The following LRRTM4 variants were observed in gnomAD, a reference collection of about 807,000 sequenced individuals.
LRRTM4 encodes leucine-rich repeat transmembrane neuronal protein 4.
In LRRTM4, 25 loss-of-function variants were observed where a neutral mutation model predicts 47.6. The observed-to-expected ratio is 0.53, with a 90% CI of 0.38 to 0.73. LRRTM4 has a LOEUF of 0.73. Among genes scored for constraint, LRRTM4 ranks in the 30% least tolerant of loss-of-function variants. The pLI, the probability that LRRTM4 is intolerant of heterozygous loss-of-function variation, is 0.00. For missense variants in LRRTM4, 638 were observed against 713.4 expected (o/e 0.89, Z 1.20); for synonymous variants, 311 against 269.5 (o/e 1.15, Z -1.51).
intron 3 of LRRTM4, among the ~76,000 whole-genome samples, chr2:76,867,336 A>G (rs1443936272): frequency 6.6e-6 from 1 of 152,214 alleles, no homozygotes; most frequent in Admixed American, 6.5e-5. Context: ...AAACTCTGCT[A>G]GAAGTACAAA....
chr2:76,969,094 T>C (rs1055402566), intron 3 of LRRTM4, among the ~76,000 whole-genome samples: 1 of 151,916 alleles, frequency 6.6e-6, no homozygotes, highest in African/African-American at 2.4e-5. Context: ...AATTCAATTT[T>C]TTATAACTCA....
At chr2:77,243,885 G>A (rs1304602410) in intron 3 of LRRTM4, among the ~76,000 whole-genome samples, 3 of 137,420 alleles carry the variant, frequency 2.2e-5, no homozygotes, top group Non-Finnish European at 1.5e-5. Context: ...TCGTCATCTA[G>A]CCTTAGGTAT....
chr2:77,465,922 A>AAATTT lies in LRRTM4; in HGVS notation c.1551+52395_1551+52396insAAATT, dbSNP rs1306503361. 7.9e-3 allele frequency among the ~76,000 whole-genome samples: 1,204 copies of AAATTT among 152,252 alleles called. 5 individuals carry two copies. The highest frequency in any genetic ancestry group is 0.012 in the Non-Finnish European group (787 of 68,014). ...ACAGGGAGCTGGCACCTAGGTAATG[A>AAATTT]TAAAAGCAGCAGGCTTCTCAAATGC... On this transcript the variant is annotated intron_variant, in intron 3 of 3. Transcript: ENST00000409884.
Position 76,988,039 on chromosome 2 carries a change from C to T in LRRTM4, c.1552-239123G>A, listed in dbSNP as rs552441718. ...GTGATAAAAGAATATTTAGAGACTACAGAGTCACTCTTAGATACTTTCTTT... is the reference window on the plus strand; with the variant it reads ...GTGATAAAAGAATATTTAGAGACTATAGAGTCACTCTTAGATACTTTCTTT... On this transcript the variant is annotated intron_variant, in intron 3 of 3. Coordinates refer to ENST00000409884, the MANE Select transcript of LRRTM4 (RefSeq NM_001134745.3). 2.6e-5 allele frequency among the ~76,000 whole-genome samples: 4 copies of T among 151,934 alleles called. No homozygotes were observed. The East Asian group carries it at 7.8e-4, about 30-fold the overall frequency.
At chr2:77,490,318 G>C (rs897767453) in intron 3 of LRRTM4, among the ~76,000 whole-genome samples, 1 of 151,802 alleles carries the variant, frequency 6.6e-6, no homozygotes, top group Non-Finnish European at 1.5e-5. Flanking sequence ...GAAAAATAAA[G>C]AGATAAAAAT....
intron 3 of LRRTM4, among the ~76,000 whole-genome samples, chr2:77,468,689 G>T (rs574704899): frequency 6.6e-6 from 1 of 152,102 alleles, no homozygotes; most frequent in Non-Finnish European, 1.5e-5. Flanking sequence ...CAAACATTCT[G>T]ATTGATTGGA....
At chr2:77,251,135 ATG>A (rs1675594727) in intron 3 of LRRTM4, among the ~76,000 whole-genome samples, 1 of 144,224 alleles carries the variant, frequency 6.9e-6, no homozygotes, top group Non-Finnish European at 1.5e-5. Context: ...ACACATATAT[ATG>A]TATATATATG....
In LRRTM4 at chr2:77,238,038, G is replaced by C. The variant is rs978768580; in HGVS notation, c.1551+280280C>G. Among the ~76,000 whole-genome samples the C allele has an allele frequency of 4.6e-5, 7 of 151,988 alleles. No individual in the cohort carries two copies. The East Asian group carries it at 1.4e-3, about 29-fold the overall frequency. ...GTAGGTCAAAAGACACAAAATAGCA[G>C]GTATGTAGAATGAACAAGTCTGAAC... On this transcript the variant is annotated intron_variant, in intron 3 of 3. Coordinates refer to ENST00000409884, the MANE Select transcript of LRRTM4 (RefSeq NM_001134745.3).
chr2:76,892,957 A>C (rs955210999), intron 3 of LRRTM4, among the ~76,000 whole-genome samples: 1 of 151,326 alleles, frequency 6.6e-6, no homozygotes, highest in Non-Finnish European at 1.5e-5. Context: ...TAATGGAGTC[A>C]AAATCCCAAA....
intron 3 of LRRTM4, among the ~76,000 whole-genome samples, chr2:77,038,778 G>T (rs748311262): frequency 6.6e-6 from 1 of 151,406 alleles, no homozygotes; most frequent in Admixed American, 6.6e-5. Context: ...ATTGATAGGG[G>T]AATCAGTTGG....
chr2:76,914,352 T>C (rs763185706), intron 3 of LRRTM4, among the ~76,000 whole-genome samples: 55 of 152,070 alleles, frequency 3.6e-4, no homozygotes, highest in Non-Finnish European at 5.7e-4. Context: ...AATTCTACTT[T>C]TTTTCTGATT....
intron 3 of LRRTM4, among the ~76,000 whole-genome samples, chr2:77,206,179 ATTT>A (rs35378906): frequency 2.0e-4 from 25 of 126,892 alleles, no homozygotes; most frequent in Non-Finnish European, 1.8e-4. Flanking sequence ...TCAAAATTCT[ATTT>A]TTTTTTTTTT....
chr2:76,863,314 A>G (rs1573226817), intron 3 of LRRTM4, among the ~76,000 whole-genome samples: 1 of 152,212 alleles, frequency 6.6e-6, no homozygotes, highest in East Asian at 1.9e-4. Context: ...TATTTGAGGA[A>G]AGTATTTCCT....
At chr2:77,327,265 A>G (rs1248339355) in intron 3 of LRRTM4, among the ~76,000 whole-genome samples, 1 of 152,236 alleles carries the variant, frequency 6.6e-6, no homozygotes, top group Non-Finnish European at 1.5e-5. Flanking sequence ...TAAAAATGCT[A>G]TGATAGATTT....
chr2:76,814,102 A>G (rs1670827679), intron 3 of LRRTM4, among the ~76,000 whole-genome samples: 2 of 152,050 alleles, frequency 1.3e-5, no homozygotes, highest in Admixed American at 1.3e-4. Context: ...ACATGCCCTC[A>G]ATTGGGATTT....
At chr2:77,507,390 T>C (rs1373582419) in intron 3 of LRRTM4, among the ~76,000 whole-genome samples, 1 of 152,064 alleles carries the variant, frequency 6.6e-6, no homozygotes, top group African/African-American at 2.4e-5. Flanking sequence ...AATCTTCATG[T>C]TTTGTTGGAG....
chr2:77,511,686 C>A (rs1447434197), intron 3 of LRRTM4, among the ~76,000 whole-genome samples: 1 of 151,752 alleles, frequency 6.6e-6, no homozygotes, highest in East Asian at 1.9e-4. Flanking sequence ...TGTTTGTGTT[C>A]AGGGTTTTCC....
Position 76,799,354 on chromosome 2 carries a change from A to G in LRRTM4, c.1552-50438T>C, listed in dbSNP as rs1573127092. 2.7e-5 allele frequency among the ~76,000 whole-genome samples: 3 copies of G among 109,760 alleles called. 1 individual carries two copies. The highest frequency in any genetic ancestry group is 4.0e-4 in the East Asian group (1 of 2,500). The allele number at this position is 109,760 out of a possible 152,430, so 72.0% of individuals were successfully genotyped here. The stretch of plus-strand genomic sequence containing the variant: ...AACCAGAACCAAAGACAAAAACCAC[A>G]TGATTATCTCAATAGATGCAGAAAA... On this transcript the variant is annotated intron_variant, in intron 3 of 3. Coordinates refer to ENST00000409884, the MANE Select transcript of LRRTM4 (RefSeq NM_001134745.3).
At chr2:77,440,549 G>C (rs997078765) in intron 3 of LRRTM4, among the ~76,000 whole-genome samples, 1 of 152,108 alleles carries the variant, frequency 6.6e-6, no homozygotes, top group Non-Finnish European at 1.5e-5. Flanking sequence ...ATTTTATTTT[G>C]AACATAGATC....
Sources: allele counts gnomAD v4.1 joint callset (sites outside exome capture counted in the v4.1 genomes callset), GRCh38; gene constraint gnomAD v4.1.1; transcripts MANE v1.5; gene names NCBI Gene and HGNC (gene_info 2026-07-23, HGNC 2026-07-21).